The following CCDC7 variants were observed in gnomAD, a reference collection of about 807,000 sequenced individuals.
The protein encoded by CCDC7 is coiled-coil domain containing 7.
A neutral mutation model predicts 196.9 loss-of-function variants in CCDC7; 183 were observed. That is an observed-to-expected ratio of 0.93 (90% CI 0.82 to 1.05). CCDC7 has a LOEUF of 1.05. CCDC7 is among the 50% of genes least tolerant of loss of function. CCDC7 has a pLI of 0.00. For synonymous variants in CCDC7, 525 were observed against 484.6 expected (o/e 1.08, Z -1.10); for missense variants, 1,540 against 1,482.2 (o/e 1.04, Z -0.64).
intron 23 of CCDC7, 111 bp from the exon 25 acceptor site, chr10:32,694,768 C>T (rs546992917): frequency 5.4e-6 from 3 of 552,248 alleles, no homozygotes; most frequent in Middle Eastern, 3.5e-4. Context: ...AATTTACTTA[C>T]AAATTTATCA....
intron 22 of CCDC7, among the ~76,000 whole-genome samples, chr10:32,686,583 A>C (rs1356501260): frequency 6.6e-6 from 1 of 152,182 alleles, no homozygotes; most frequent in Non-Finnish European, 1.5e-5. Flanking sequence ...CCTTTTTGGT[A>C]ACTTTAAAAT....
rs139747443 is a variant in CCDC7 at position 32,666,493 on chromosome 10, A to G, written c.2122+2332A>G. On this transcript the variant is annotated intron_variant, in intron 21 of 41. Transcript: ENST00000639629. ...CTGCACCCATTAACTTGTCATTTACATTAGGTATAACTTCTAATGCTATCG... is the reference window on the plus strand; with the variant it reads ...CTGCACCCATTAACTTGTCATTTACGTTAGGTATAACTTCTAATGCTATCG... Among the ~76,000 whole-genome samples, 259 of 152,062 alleles carry G rather than the reference A, an allele frequency of 1.7e-3. 2 individuals carry two copies. The highest frequency in any genetic ancestry group is 4.7e-3 in the African/African-American group (196 of 41,488).
intron 2 of CCDC7, among the ~76,000 whole-genome samples, chr10:32,455,790 A>AT (rs1266396157): frequency 1.3e-5 from 2 of 152,102 alleles, no homozygotes; most frequent in Non-Finnish European, 2.9e-5. Flanking sequence ...AGCTGTAACT[A>AT]TTTTTTCCTC....
chr10:32,465,671 G>T (rs1588850996), intron 5 of CCDC7, among the ~76,000 whole-genome samples: 1 of 152,212 alleles, frequency 6.6e-6, no homozygotes, highest in Admixed American at 6.5e-5. Context: ...TCCCTAGGCA[G>T]TCTCATCCAG....
chr10:32,796,708 G>T (rs1421317171), intron 29 of CCDC7, among the ~76,000 whole-genome samples: 1 of 152,030 alleles, frequency 6.6e-6, no homozygotes, highest in Non-Finnish European at 1.5e-5. Flanking sequence ...CACTTTATGA[G>T]ATATCTATTT....
chr10:32,518,102 T>G, intron 10 of CCDC7, 127 bp downstream of exon 11: 1 of 1,213,278 alleles, frequency 8.2e-7, no homozygotes, highest in South Asian at 1.9e-5. Flanking sequence ...AAGAGATTTG[T>G]ATGCATATGT....
At chr10:32,711,385 A>G (rs1490539667) in intron 24 of CCDC7, among the ~76,000 whole-genome samples, 1 of 152,158 alleles carries the variant, frequency 6.6e-6, no homozygotes, top group Non-Finnish European at 1.5e-5. Context: ...AGGAAAGTAG[A>G]GACTAATATA....
upstream of CCDC7, among the ~76,000 whole-genome samples, chr10:32,443,717 A>G (rs1248024546): frequency 6.6e-6 from 1 of 151,060 alleles, no homozygotes; most frequent in African/African-American, 2.4e-5. Context: ...ACTCTTGAAA[A>G]CCTGTAGTAT....
chr10:32,701,891 A>G (rs761929054), intron 24 of CCDC7, among the ~76,000 whole-genome samples: 29 of 151,986 alleles, frequency 1.9e-4, no homozygotes, highest in Non-Finnish European at 3.2e-4. Context: ...TATTGCGTCA[A>G]TTTGATTCTT....
At chr10:32,813,899 G>A (rs191486537) in intron 30 of CCDC7, among the ~76,000 whole-genome samples, 104 of 152,068 alleles carry the variant, frequency 6.8e-4, no homozygotes, top group African/African-American at 2.2e-3. Context: ...TAAGGTTTTT[G>A]TTATTTTCCA....
intron 8 of CCDC7, among the ~76,000 whole-genome samples, chr10:32,483,577 A>G (rs1166741009): frequency 1.3e-5 from 2 of 152,206 alleles, no homozygotes; most frequent in African/African-American, 4.8e-5. Context: ...GCCCATGCCT[A>G]TGTCCTGAAT....
intron 24 of CCDC7, among the ~76,000 whole-genome samples, chr10:32,700,138 G>A (rs1010173055): frequency 6.7e-6 from 1 of 149,506 alleles, no homozygotes; most frequent in Non-Finnish European, 1.5e-5. Context: ...CCATGCCTAT[G>A]TCCTGAATGG....
At chr10:32,633,637 T>G (rs2139554777) in intron 18 of CCDC7, among the ~76,000 whole-genome samples, 1 of 151,704 alleles carries the variant, frequency 6.6e-6, no homozygotes, top group East Asian at 1.9e-4. Flanking sequence ...CACTTATTTC[T>G]TTGAGTTATA....
chr10:32,679,246 C>T (rs1042392800), intron 21 of CCDC7, among the ~76,000 whole-genome samples: 4 of 152,168 alleles, frequency 2.6e-5, no homozygotes, highest in Non-Finnish European at 5.9e-5. Flanking sequence ...ATATACTTTT[C>T]AGGTATTTCT....
At chr10:32,631,292 C>T (rs567032680) in intron 18 of CCDC7, among the ~76,000 whole-genome samples, 39 of 152,180 alleles carry the variant, frequency 2.6e-4, no homozygotes, top group African/African-American at 8.7e-4. Context: ...AGTTTTAACT[C>T]TTAATATTTA....
At chr10:32,542,233 A>G (rs1331006858) in intron 11 of CCDC7, among the ~76,000 whole-genome samples, 2 of 152,208 alleles carry the variant, frequency 1.3e-5, no homozygotes, top group Non-Finnish European at 2.9e-5. Flanking sequence ...TAGTTCTGCT[A>G]TAATATTTGT....
intron 9 of CCDC7, chr10:32,511,268 G>GGGGT: frequency 3.8e-6 from 2 of 529,776 alleles, no homozygotes; most frequent in South Asian, 2.5e-5. Context: ...GGGCGGGGGG[G>GGGGT]GCGGGGAAAT....
At chr10:32,623,719 G>T (rs1457021859) in intron 18 of CCDC7, 2 of 469,136 alleles carry the variant, frequency 4.3e-6, no homozygotes, top group African/African-American at 4.0e-5. Flanking sequence ...GGTTCTGTAG[G>T]CAGTACAAGA....
At chr10:32,466,778 G>A (rs905315505) in intron 5 of CCDC7, among the ~76,000 whole-genome samples, 10 of 151,482 alleles carry the variant, frequency 6.6e-5, no homozygotes, top group Admixed American at 3.9e-4. Flanking sequence ...TTTTCCCTTG[G>A]GTATATACCC....
Sources: gnomAD v4.1 joint callset for allele counts (sites outside exome capture counted in the v4.1 genomes callset) on GRCh38, gnomAD v4.1.1 for gene constraint, MANE v1.5 for transcripts, NCBI Gene and HGNC (gene_info 2026-07-23, HGNC 2026-07-21) for gene names.